The following SNX27 variants were observed in gnomAD, a reference collection of about 807,000 sequenced individuals.
SNX27 encodes sorting nexin 27.
In SNX27, 22 loss-of-function variants were observed where a neutral mutation model predicts 71.6. The ratio of observed to expected loss-of-function variants is 0.31; its 90% CI spans 0.22 to 0.44. The LOEUF is 0.44. Among genes scored for constraint, SNX27 ranks in the 20% least tolerant of loss-of-function variants. SNX27 has a pLI of 1.00. For missense variants in SNX27, 531 were observed against 698.6 expected (o/e 0.76, Z 2.70); for synonymous variants, 269 against 277.2 (o/e 0.97, Z 0.29).
chr1:151,679,670 C>T (rs1410734811), intron 7 of SNX27: 1 of 152,034 alleles, frequency 6.6e-6, no homozygotes, highest in Non-Finnish European at 1.5e-5. Flanking sequence ...CATTTAACCT[C>T]AGAGGAAATA....
intron 1 of SNX27, among the ~76,000 whole-genome samples, chr1:151,630,832 G>A (rs1374648603): frequency 6.6e-6 from 1 of 152,198 alleles, no homozygotes; most frequent in Non-Finnish European, 1.5e-5. Flanking sequence ...AGGAGATCGA[G>A]ACCATCCTGG....
At chr1:151,626,446 A>G (rs1667946286) in intron 1 of SNX27, among the ~76,000 whole-genome samples, 1 of 152,138 alleles carries the variant, frequency 6.6e-6, no homozygotes, top group Non-Finnish European at 1.5e-5. Context: ...TTTTATGATA[A>G]TGGTTTTAAA....
chr1:151,669,133 T>C (rs988012406), intron 7 of SNX27: 1 of 152,304 alleles, frequency 6.6e-6, no homozygotes, highest in African/African-American at 2.4e-5. Flanking sequence ...TCCTACTTAA[T>C]TTTTCAGATT....
At chr1:151,637,682 A>G (rs988648730) in intron 1 of SNX27, among the ~76,000 whole-genome samples, 17 of 152,262 alleles carry the variant, frequency 1.1e-4, no homozygotes, top group Non-Finnish European at 2.5e-4. Flanking sequence ...ATTAAATCCC[A>G]GGAGGCTAGC....
At chr1:151,658,188 T>A (rs1416240428) in intron 2 of SNX27, 47 bp from the exon 3 acceptor site, 1 of 1,530,522 alleles carries the variant, frequency 6.5e-7, no homozygotes, top group East Asian at 2.3e-5. Context: ...ATTTTGTGAT[T>A]TAATTTGTAT....
At chr1:151,688,785 C>T (rs1671307766) in intron 8 of SNX27, among the ~76,000 whole-genome samples, 1 of 151,986 alleles carries the variant, frequency 6.6e-6, no homozygotes, top group Non-Finnish European at 1.5e-5. Flanking sequence ...TTTTGTCACC[C>T]AGGTAGTAAG....
chr1:151,657,739 A>G lies in SNX27; in HGVS notation c.544-496A>G, dbSNP rs566905120. 3.3e-5 allele frequency among the ~76,000 whole-genome samples: 5 copies of G among 152,270 alleles called. No homozygotes were observed. In the South Asian group the frequency reaches 6.2e-4, roughly 19 times the overall value. On this transcript the variant is annotated intron_variant, in intron 2 of 11. Coordinates refer to ENST00000458013, the MANE Select transcript of SNX27 (RefSeq NM_001330723.2). ...TCATTTTAATAGCAAAAATAAGATC[A>G]CACTCCTCCTGCTGGGTGCGGTGGT...
At chr1:151,651,603 G>A (rs1007155619) in intron 2 of SNX27, among the ~76,000 whole-genome samples, 14 of 151,914 alleles carry the variant, frequency 9.2e-5, no homozygotes, top group Middle Eastern at 3.4e-3. Flanking sequence ...CATCCCAGAC[G>A]GGGCGGCGGG....
At chr1:151,621,415 A>G (rs923209958) in intron 1 of SNX27, among the ~76,000 whole-genome samples, 11 of 152,232 alleles carry the variant, frequency 7.2e-5, no homozygotes, top group African/African-American at 2.7e-4. Flanking sequence ...CACTGATACG[A>G]AAACATCTTT....
chr1:151,665,657 T>C (rs183771963), intron 5 of SNX27, among the ~76,000 whole-genome samples: 3 of 152,168 alleles, frequency 2.0e-5, no homozygotes, highest in Admixed American at 1.3e-4. Flanking sequence ...GAGACTATTA[T>C]CAGCTTACAC....
chr1:151,688,604 C>T lies in SNX27; in HGVS notation c.1240-3831C>T, dbSNP rs145404721. On this transcript the variant is annotated intron_variant, in intron 8 of 11. Coordinates refer to ENST00000458013, the MANE Select transcript of SNX27 (RefSeq NM_001330723.2). Reference sequence around the variant, plus strand: ...CTGAGATCATGCCACTGCACTCCAGCCTGGGCAACAGAGTGAGACTCTGTC... The same window carrying T: ...CTGAGATCATGCCACTGCACTCCAGTCTGGGCAACAGAGTGAGACTCTGTC... 2.1e-3 allele frequency among the ~76,000 whole-genome samples: 311 copies of T among 149,558 alleles called. 2 individuals are homozygous for T. Among genetic ancestry groups the T allele is most frequent in the African/African-American group, 7.3e-3 (292 of 40,216 alleles).
intron 5 of SNX27, among the ~76,000 whole-genome samples, chr1:151,663,041 GTA>G (rs1192905084): frequency 6.6e-6 from 1 of 151,812 alleles, no homozygotes; most frequent in African/African-American, 2.4e-5. Context: ...TATTGCTTTG[GTA>G]TTGCCTAATA....
At chr1:151,638,693 TC>T (rs1178616680) in intron 1 of SNX27, among the ~76,000 whole-genome samples, 194 bp from the exon 2 acceptor site, 3 of 151,092 alleles carry the variant, frequency 2.0e-5, no homozygotes, top group African/African-American at 4.8e-5. Context: ...TTTCCATTTT[TC>T]CCCCCGCCAT....
intron 1 of SNX27, among the ~76,000 whole-genome samples, chr1:151,620,851 A>T (rs547664616): frequency 6.6e-6 from 1 of 152,064 alleles, no homozygotes; most frequent in South Asian, 2.1e-4. Context: ...CACCATGCCC[A>T]GCTGAATTGT....
chr1:151,692,432 T>A lies in SNX27; in HGVS notation c.1240-3T>A, dbSNP rs1558078080. On this transcript the variant is annotated splice_region_variant and splice_polypyrimidine_tract_variant and intron_variant, in intron 8 of 11. Transcript: ENST00000458013. Reference sequence around the variant, plus strand: ...TTTTTTTTTTTTTTTTTTTTTTTTTTAGTACCTCAACATGCTAAGGACTTG... The same window carrying A: ...TTTTTTTTTTTTTTTTTTTTTTTTTAAGTACCTCAACATGCTAAGGACTTG... 50 of 1,452,070 alleles carry A rather than the reference T, an allele frequency of 3.4e-5. No homozygotes were observed. The highest frequency in any genetic ancestry group is 1.0e-4 in the African/African-American group (6 of 59,766). 89.9% of individuals were successfully genotyped at this position (1,452,070 alleles called of 1,614,324 possible).
intron 2 of SNX27, among the ~76,000 whole-genome samples, chr1:151,644,043 T>C (rs1003182692): frequency 2.0e-5 from 3 of 152,140 alleles, no homozygotes; most frequent in African/African-American, 7.2e-5. Context: ...AAAGTGAGAC[T>C]TCGTCTCAAA....
rs1163848638 is a variant in SNX27, at chr1:151,694,964, A to C, written c.*547A>C. ...CTTTCTTTTGAAACAAACTTTAAAA[A>C]GGAAAAAAAAGCATTTTACAGGGAA... On this transcript the variant is annotated 3_prime_UTR_variant, in exon 12 of 12. Coordinates refer to ENST00000458013, the MANE Select transcript of SNX27 (RefSeq NM_001330723.2). The C allele has an allele frequency of 6.6e-6, 1 of 152,646 alleles. No individual in the cohort carries two copies. Among genetic ancestry groups the C allele is most frequent in the Non-Finnish European group, 1.5e-5 (1 of 68,050 alleles). 9.5% of individuals were successfully genotyped at this position (152,646 alleles called of 1,614,324 possible).
intron 2 of SNX27, among the ~76,000 whole-genome samples, chr1:151,641,795 A>G (rs1475158100): frequency 7.0e-6 from 1 of 143,102 alleles, no homozygotes; most frequent in Non-Finnish European, 1.5e-5. Flanking sequence ...TATGAGATAT[A>G]TAAGATATAG....
rs1198237309 is a variant in SNX27, at chr1:151,612,418, G to A, written c.217G>A (p.Glu73Lys). ...CGGGCAACTGCGGAGCATCAACGGG[G>A]AGCTGTACGCGCCGCTGCAGCATGT... ...EGGQLRSING[E>K]LYAPLQHVSA... Residue 73 changes from glutamate (E) to lysine (K), a missense_variant, in exon 1 of 12, where the codon GAG becomes AAG. Glu to Lys is a moderately conservative substitution (Grantham distance 56). Transcript: ENST00000458013. The surrounding 1 kb of genome is among the most constrained non-coding windows in gnomAD (Gnocchi z 5.2). 2 of 1,502,954 alleles carry A rather than the reference G, an allele frequency of 1.3e-6. No individual in the cohort carries two copies. The highest frequency in any genetic ancestry group is 1.4e-5 in the African/African-American group (1 of 69,236). 93.1% of individuals were successfully genotyped at this position (1,502,954 alleles called of 1,614,324 possible).
Sources: gnomAD v4.1 joint callset for allele counts (sites outside exome capture counted in the v4.1 genomes callset) on GRCh38, gnomAD v4.1.1 for gene constraint, Gnocchi (gnomAD v3.1) non-coding constraint, MANE v1.5 for transcripts, NCBI Gene and HGNC (gene_info 2026-07-23, HGNC 2026-07-21) for gene names.